The following FANCC variants were observed in gnomAD, a reference collection of about 807,000 sequenced individuals.
The protein encoded by FANCC is FA complementation group C.
FANCC carries 55 observed loss-of-function variants against 71.3 expected under a neutral mutation model. The observed-to-expected ratio is 0.77, with a 90% CI of 0.62 to 0.97. The LOEUF (loss-of-function observed/expected upper bound fraction) is 0.97. Ranked by LOEUF, FANCC falls within the 50% of genes least tolerant of loss-of-function variation. The probability of loss-of-function intolerance (pLI) is 0.00; values close to 1 mark genes in which losing one functional copy is unlikely to be tolerated. For synonymous variants in FANCC, 275 were observed against 244.9 expected (o/e 1.12, Z -1.15); for missense variants, 678 against 670.9 (o/e 1.01, Z -0.12).
At chr9:95,274,102 G>A (rs946751618) in intron 1 of FANCC, among the ~76,000 whole-genome samples, 5 of 152,068 alleles carry the variant, frequency 3.3e-5, no homozygotes, top group East Asian at 1.9e-4. Flanking sequence ...GTATACACAC[G>A]CCATGGTGGT....
intron 4 of FANCC, among the ~76,000 whole-genome samples, chr9:95,198,786 G>C (rs1186876351): frequency 6.6e-6 from 1 of 152,172 alleles, no homozygotes; most frequent in Non-Finnish European, 1.5e-5. Context: ...GGTCCAGACT[G>C]GAGTGCAGTG....
At chr9:95,183,185 C>T (rs1826484348) in intron 4 of FANCC, among the ~76,000 whole-genome samples, 1 of 152,216 alleles carries the variant, frequency 6.6e-6, no homozygotes, top group South Asian at 2.1e-4. Flanking sequence ...TCAAAATTCA[C>T]CTTTCTCTAG....
intron 4 of FANCC, among the ~76,000 whole-genome samples, chr9:95,189,752 C>A (rs375884680): frequency 6.6e-6 from 1 of 152,174 alleles, no homozygotes; most frequent in Non-Finnish European, 1.5e-5. Context: ...TTTGAAAACA[C>A]CCTCATCTCC....
chr9:95,263,478 A>ATATATG (rs1554861916), intron 1 of FANCC, among the ~76,000 whole-genome samples: 1 of 147,964 alleles, frequency 6.8e-6, no homozygotes, highest in Non-Finnish European at 1.5e-5. Context: ...TTATATATAT[A>ATATATG]TGTGTGTGTG....
At chr9:95,135,283 A>G in intron 8 of FANCC, 63 bp downstream of exon 8, 1 of 1,508,316 alleles carries the variant, frequency 6.6e-7, no homozygotes, top group Non-Finnish European at 9.2e-7. Flanking sequence ...TTCTCTGACT[A>G]AAAGAAATGA....
intron 1 of FANCC, among the ~76,000 whole-genome samples, chr9:95,315,386 G>A (rs1455293359): frequency 2.6e-5 from 4 of 152,142 alleles, no homozygotes; most frequent in Admixed American, 6.6e-5. Flanking sequence ...CACTATGGCC[G>A]GCTAATTTCT....
intron 1 of FANCC, among the ~76,000 whole-genome samples, chr9:95,287,798 C>G (rs946131922): frequency 6.6e-6 from 1 of 152,174 alleles, no homozygotes; most frequent in Non-Finnish European, 1.5e-5. Flanking sequence ...AACAAAAAGG[C>G]AGGCATGTTC....
chr9:95,297,513 T>C (rs1354366610), intron 1 of FANCC, among the ~76,000 whole-genome samples: 1 of 152,194 alleles, frequency 6.6e-6, no homozygotes, highest in Non-Finnish European at 1.5e-5. Context: ...TCTGGGCAAC[T>C]GCTTCCAAAT....
intron 1 of FANCC, among the ~76,000 whole-genome samples, chr9:95,307,346 A>G (rs1835126332): frequency 6.6e-6 from 1 of 152,228 alleles, no homozygotes; most frequent in Non-Finnish European, 1.5e-5. Flanking sequence ...TTAACAAAAA[A>G]AAACCATGCT....
At chr9:95,152,991 G>A (rs1830267573) in intron 6 of FANCC, among the ~76,000 whole-genome samples, 1 of 152,108 alleles carries the variant, frequency 6.6e-6, no homozygotes, top group African/African-American at 2.4e-5. Flanking sequence ...ATTTGTGTTG[G>A]GCAGCATTCA....
intron 13 of FANCC, chr9:95,110,802 A>G: frequency 1.2e-5 from 13 of 1,126,442 alleles, no homozygotes; most frequent in Non-Finnish European, 1.4e-5. Flanking sequence ...GGAGGTGCCA[A>G]TGCCTTTAAT....
intron 4 of FANCC, among the ~76,000 whole-genome samples, chr9:95,195,945 T>C (rs894966100): frequency 1.3e-5 from 2 of 152,226 alleles, no homozygotes; most frequent in African/African-American, 2.4e-5. Context: ...GACTGTTGTG[T>C]GTTGATCTTG....
chr9:95,208,156 G>A (rs1175390714), intron 4 of FANCC, among the ~76,000 whole-genome samples: 2 of 118,636 alleles, frequency 1.7e-5, no homozygotes, highest in South Asian at 5.7e-4. Flanking sequence ...GGAGTGCAAT[G>A]GTGCAATCTC....
chr9:95,173,236 G>C (rs1245615743), intron 4 of FANCC, among the ~76,000 whole-genome samples: 1 of 152,088 alleles, frequency 6.6e-6, no homozygotes, highest in East Asian at 1.9e-4. Context: ...AATAGAAATA[G>C]GGTCTTCCAT....
Position 95,107,165 on chromosome 9 carries a change from G to A in FANCC, c.1434C>T (p.Asp478=). The A allele has an allele frequency of 6.2e-7, 1 of 1,614,204 alleles. No individual in the cohort carries two copies. The highest frequency in any genetic ancestry group is 1.1e-5 in the South Asian group (1 of 91,078). The change falls in exon 14 of 15, where the codon GAC becomes GAT. Residue 478 remains aspartate, a synonymous_variant. Transcript: ENST00000289081. The part of the protein sequence containing the change: ...QTVAGQGTDT[D]LRAPAQQLIR... ...TCAGCTGTTGTGCAGGAGCTCTGAG[G>A]TCTGTGTCTGTGCCCTGTCCTGCTA...
intron 1 of FANCC, among the ~76,000 whole-genome samples, chr9:95,298,445 C>T (rs1834526850): frequency 6.6e-6 from 1 of 152,104 alleles, no homozygotes; most frequent in Non-Finnish European, 1.5e-5. Context: ...GGTTAGGAAA[C>T]AGGCCTGAGC....
intron 1 of FANCC, among the ~76,000 whole-genome samples, chr9:95,280,143 T>C (rs752368814): frequency 7.2e-5 from 11 of 151,924 alleles, no homozygotes; most frequent in Non-Finnish European, 1.6e-4. Context: ...GTGGCTATAC[T>C]GATATTAAAA....
At position 95,294,898 on chromosome 9, in the gene FANCC, T is replaced by C. The variant is rs7039117; in HGVS notation, c.-79+22628A>G. 6,048 of 1,228,212 alleles carry C rather than the reference T, an allele frequency of 4.9e-3. 202 individuals are homozygous for C. The African/African-American group carries it at 0.075, about 15-fold the overall frequency. 76.1% of individuals were successfully genotyped at this position (1,228,212 alleles called of 1,614,324 possible). ...ACGGGGGACAACAGTATTAATTCGA[T>C]TGAATGTGGCTGATGATGCAGTTGC... On this transcript the variant is annotated intron_variant, in intron 1 of 14. Transcript: ENST00000289081.
chr9:95,244,856 C>T (rs1830864431), intron 3 of FANCC, among the ~76,000 whole-genome samples: 1 of 152,008 alleles, frequency 6.6e-6, no homozygotes, highest in Admixed American at 6.6e-5. Context: ...TTTAAAGTCA[C>T]ATGAGGAGTG....
Sources: allele counts gnomAD v4.1 joint callset (sites outside exome capture counted in the v4.1 genomes callset), GRCh38; gene constraint gnomAD v4.1.1; transcripts MANE v1.5; gene names NCBI Gene and HGNC (gene_info 2026-07-23, HGNC 2026-07-21).